PPARGC1A: variants seen among roughly 807,000 people sequenced by gnomAD.
PPARGC1A encodes peroxisome proliferator-activated receptor gamma coactivator 1-alpha.
A neutral mutation model predicts 88.7 loss-of-function variants in PPARGC1A; 25 were observed. The ratio of observed to expected loss-of-function variants is 0.28; its 90% CI spans 0.21 to 0.39. The LOEUF (loss-of-function observed/expected upper bound fraction) is 0.39. PPARGC1A is among the 10% of genes least tolerant of loss of function. The pLI, the probability that PPARGC1A is intolerant of heterozygous loss-of-function variation, is 1.00. For synonymous variants in PPARGC1A, 363 were observed against 355.6 expected (o/e 1.02, Z -0.24); for missense variants, 880 against 968.7 (o/e 0.91, Z 1.22).
At chr4:23,829,379 A>G in intron 4 of PPARGC1A, 84 bp downstream of exon 4, 2 of 1,463,906 alleles carry the variant, frequency 1.4e-6, no homozygotes, top group Non-Finnish European at 9.4e-7. Flanking sequence ...AGCTGAATTA[A>G]TACCTACAAA....
chr4:24,068,383 C>G, the PPARGC1A span, among the ~76,000 whole-genome samples: 1 of 152,150 alleles, frequency 6.6e-6, no homozygotes, highest in Non-Finnish European at 1.5e-5. Context: ...TACTCATGGG[C>G]TCACTTTTTG....
intron 2 of PPARGC1A, among the ~76,000 whole-genome samples, chr4:23,844,502 ATAT>A (rs1430882926): frequency 3.7e-5 from 2 of 53,896 alleles, no homozygotes; most frequent in Admixed American, 6.3e-4. Flanking sequence ...ATAATATATA[ATAT>A]AATAATATAA....
At chr4:24,203,842 T>C in the PPARGC1A span, among the ~76,000 whole-genome samples, 3 of 152,272 alleles carry the variant, frequency 2.0e-5, no homozygotes, top group Admixed American at 6.5e-5. Context: ...ATTACTCAGA[T>C]GCAGTGGACT....
chr4:23,813,378 C>G (rs1721307555), intron 8 of PPARGC1A, among the ~76,000 whole-genome samples: 1 of 152,162 alleles, frequency 6.6e-6, no homozygotes, highest in South Asian at 2.1e-4. Context: ...TCAGCTTTAT[C>G]TTGCATGGAT....
chr4:23,923,089 C>G, the PPARGC1A span, among the ~76,000 whole-genome samples: 1 of 149,352 alleles, frequency 6.7e-6, no homozygotes, highest in Non-Finnish European at 1.5e-5. Flanking sequence ...AACAATAGAG[C>G]CTTTAGTACA....
upstream of PPARGC1A, among the ~76,000 whole-genome samples, chr4:23,905,647 A>C (rs1719946328): frequency 6.6e-6 from 1 of 152,226 alleles, no homozygotes; most frequent in Non-Finnish European, 1.5e-5. Flanking sequence ...TGCTGTGCTG[A>C]GTAGTTCTGT....
chr4:24,228,608 A>G, the PPARGC1A span, among the ~76,000 whole-genome samples: 1 of 152,128 alleles, frequency 6.6e-6, no homozygotes, highest in East Asian at 1.9e-4. Context: ...CAATATTCCC[A>G]GGGAACAAAC....
At chr4:23,829,331 TA>T (rs1724579790) in intron 4 of PPARGC1A, 131 bp downstream of exon 4, 3 of 951,698 alleles carry the variant, frequency 3.2e-6, no homozygotes, top group Non-Finnish European at 1.6e-6. Flanking sequence ...ATCCCATTCA[TA>T]ATCTATTTCA....
the PPARGC1A span, among the ~76,000 whole-genome samples, chr4:23,953,288 G>A: frequency 3.0e-3 from 453 of 152,190 alleles, 2 homozygotes; most frequent in Non-Finnish European, 5.3e-3. Flanking sequence ...TAATTGCAAT[G>A]TAGCTATCTA....
In PPARGC1A at chr4:23,795,820, T is replaced by C. The variant is rs749938707; in HGVS notation, c.*2A>G. 1.2e-6 allele frequency: 2 copies of C among 1,605,868 alleles called. No individual in the cohort carries two copies. The highest frequency in any genetic ancestry group is 1.7e-5 in the Admixed American group (1 of 58,748). On this transcript the variant is annotated 3_prime_UTR_variant, in exon 13 of 13. Coordinates refer to ENST00000264867, the MANE Select transcript of PPARGC1A (RefSeq NM_013261.5). ...CTCTGTCATCCTCAGCTAGGGAACATGTTACCTGCGCAAGCTTCTCTGAGC... is the reference window on the plus strand; with the variant it reads ...CTCTGTCATCCTCAGCTAGGGAACACGTTACCTGCGCAAGCTTCTCTGAGC...
At chr4:24,091,572 G>C in the PPARGC1A span, 2 of 985,330 alleles carry the variant, frequency 2.0e-6, no homozygotes, top group Non-Finnish European at 2.4e-6. Flanking sequence ...ATTCGCCAGC[G>C]GCTGTTACTC....
At chr4:23,891,585 T>C (rs1471135232), upstream of PPARGC1A, among the ~76,000 whole-genome samples, 2 of 152,192 alleles carry the variant, frequency 1.3e-5, no homozygotes, top group African/African-American at 4.8e-5. Flanking sequence ...ATACATATTA[T>C]AAGAGATTTG....
the PPARGC1A span, among the ~76,000 whole-genome samples, chr4:24,107,585 C>T: frequency 1.3e-5 from 2 of 152,214 alleles, no homozygotes; most frequent in Non-Finnish European, 2.9e-5. Flanking sequence ...ACCTTCTCAG[C>T]TTCAAAAACA....
At chr4:24,057,240 C>T in the PPARGC1A span, among the ~76,000 whole-genome samples, 1 of 151,854 alleles carries the variant, frequency 6.6e-6, no homozygotes, top group Non-Finnish European at 1.5e-5. Flanking sequence ...TACAAAATAC[C>T]TAGAGTAGTC....
At chr4:24,296,516 A>T in the PPARGC1A span, among the ~76,000 whole-genome samples, 1 of 152,092 alleles carries the variant, frequency 6.6e-6, no homozygotes, top group African/African-American at 2.4e-5. Context: ...TATCTATGTC[A>T]GTTAGTTTGG....
At chr4:23,907,608 G>A (rs574660596), upstream of PPARGC1A, among the ~76,000 whole-genome samples, 1 of 152,080 alleles carries the variant, frequency 6.6e-6, no homozygotes, top group Non-Finnish European at 1.5e-5. Flanking sequence ...TCGAAAATGG[G>A]GATAATACCT....
the PPARGC1A span, among the ~76,000 whole-genome samples, chr4:24,316,058 T>C: frequency 6.6e-6 from 1 of 152,206 alleles, no homozygotes; most frequent in Admixed American, 6.5e-5. Context: ...CATTCTGACC[T>C]TTGTGGGGTG....
the PPARGC1A span, among the ~76,000 whole-genome samples, chr4:24,132,391 C>T: frequency 1.3e-5 from 2 of 152,026 alleles, no homozygotes; most frequent in African/African-American, 2.4e-5. Context: ...TTGAAGGCTG[C>T]CTAGAGTCCC....
chr4:24,386,230 C>T, the PPARGC1A span, among the ~76,000 whole-genome samples: 2 of 151,982 alleles, frequency 1.3e-5, no homozygotes, highest in Non-Finnish European at 2.9e-5. Context: ...TAGGTATTGA[C>T]AGAATGTATC....
Sources: allele counts gnomAD v4.1 joint callset (sites outside exome capture counted in the v4.1 genomes callset), GRCh38; gene constraint gnomAD v4.1.1; transcripts MANE v1.5; gene names NCBI Gene and HGNC (gene_info 2026-07-23, HGNC 2026-07-21).